The following SPTLC1 variants were observed in gnomAD, a reference collection of about 807,000 sequenced individuals.
The protein encoded by SPTLC1 is serine palmitoyltransferase long chain base subunit 1, also known as serine palmitoyltransferase 1.
In SPTLC1, 55 loss-of-function variants were observed where a neutral mutation model predicts 68.9. The observed-to-expected ratio is 0.80, with a 90% CI of 0.64 to 1.00. The LOEUF (loss-of-function observed/expected upper bound fraction) is 1.00, where lower values mean the gene tolerates loss of function less well. Ranked by LOEUF, SPTLC1 falls within the 50% of genes least tolerant of loss-of-function variation. The probability of loss-of-function intolerance (pLI) is 0.00; values close to 1 mark genes in which losing one functional copy is unlikely to be tolerated. For missense variants in SPTLC1, 449 were observed against 573.1 expected (o/e 0.78, Z 2.21); for synonymous variants, 197 against 201.6 (o/e 0.98, Z 0.19).
chr9:92,105,545 A>C (rs1587614635), intron 3 of SPTLC1: 1 of 586,714 alleles, frequency 1.7e-6, no homozygotes, highest in South Asian at 2.1e-5. Context: ...GGAAGTGAGG[A>C]GCGCCTCTGC....
Position 92,032,348 on chromosome 9 carries a change from C to A in SPTLC1, c.*117G>T, listed in dbSNP as rs1392770545. ...GGTCCATACTGACACCATTTGGTAA[C>A]AATCCTATCAAAGATCCACATGTTC... On this transcript the variant is annotated 3_prime_UTR_variant, in exon 15 of 15. Transcript: ENST00000262554. 1 of 1,570,592 alleles carries A rather than the reference C, an allele frequency of 6.4e-7. No individual in the cohort carries two copies. The highest frequency in any genetic ancestry group is 8.6e-7 in the Non-Finnish European group (1 of 1,161,120).
chr9:92,105,884 C>T (rs1452160827), intron 3 of SPTLC1, among the ~76,000 whole-genome samples: 2 of 147,106 alleles, frequency 1.4e-5, no homozygotes, highest in African/African-American at 2.5e-5. Context: ...GCCTTGCCGC[C>T]GTCCTGTCTG....
intron 6 of SPTLC1, among the ~76,000 whole-genome samples, chr9:92,066,794 C>T (rs1587937617): frequency 6.6e-6 from 1 of 151,824 alleles, no homozygotes; most frequent in Admixed American, 6.6e-5. Context: ...GCCTGGCCAA[C>T]ATGGTGAAAC....
Position 92,088,862 on chromosome 9 carries a change from C to T in SPTLC1, c.261-7899G>A, listed in dbSNP as rs528648137. On this transcript the variant is annotated intron_variant, in intron 3 of 14. Coordinates refer to ENST00000262554, the MANE Select transcript of SPTLC1 (RefSeq NM_006415.4). ...ATAATGGGCACTTGATACAGGAATC[C>T]TGGAACCTAAAATCTTATAGGGTAT... Among the ~76,000 whole-genome samples the T allele has an allele frequency of 5.3e-5, 8 of 152,208 alleles. No homozygotes were observed. The East Asian group carries it at 1.5e-3, about 29-fold the overall frequency.
chr9:92,059,536 T>C (rs1017390925), intron 6 of SPTLC1, among the ~76,000 whole-genome samples: 3 of 152,240 alleles, frequency 2.0e-5, no homozygotes, highest in Non-Finnish European at 4.4e-5. Flanking sequence ...TCTCACTATA[T>C]ATTAATCTCT....
Position 92,066,360 on chromosome 9 carries a change from A to G in SPTLC1, c.560+1606T>C, listed in dbSNP as rs1364039074. Among the ~76,000 whole-genome samples the G allele has an allele frequency of 2.6e-5, 4 of 152,206 alleles. No homozygotes were observed. The East Asian group carries it at 7.7e-4, about 29-fold the overall frequency. ...TCTCTCTGGCTGTAAGATTTTGTCC[A>G]CATGCAGCAGGGGTCTTGACCTGCT... On this transcript the variant is annotated intron_variant, in intron 6 of 14. Coordinates refer to ENST00000262554, the MANE Select transcript of SPTLC1 (RefSeq NM_006415.4).
chr9:92,079,339 G>C (rs1301549275), intron 5 of SPTLC1: 22 of 1,353,670 alleles, frequency 1.6e-5, no homozygotes, highest in Non-Finnish European at 2.0e-5. Flanking sequence ...GCCTTTGAAA[G>C]TGCTGGGATT....
intron 9 of SPTLC1, among the ~76,000 whole-genome samples, chr9:92,049,388 G>GT (rs1474454565): frequency 6.6e-6 from 1 of 152,124 alleles, no homozygotes; most frequent in Admixed American, 6.5e-5. Flanking sequence ...ACTGCGGGCA[G>GT]TCTGGGTCCA....
intron 7 of SPTLC1, among the ~76,000 whole-genome samples, chr9:92,057,486 GTTAGC>G (rs1833936829): frequency 6.6e-6 from 1 of 152,198 alleles, no homozygotes; most frequent in African/African-American, 2.4e-5. Flanking sequence ...CCACATCTGT[GTTAGC>G]ACTGACTATT....
intron 3 of SPTLC1, among the ~76,000 whole-genome samples, chr9:92,086,735 C>T (rs1486705750): frequency 6.6e-6 from 1 of 152,126 alleles, no homozygotes; most frequent in East Asian, 1.9e-4. Context: ...AGTTGCTCTT[C>T]TCAAGGAGTA....
intron 5 of SPTLC1, chr9:92,076,666 G>T (rs1311411236): frequency 6.6e-6 from 1 of 152,130 alleles, no homozygotes; most frequent in East Asian, 1.9e-4. Flanking sequence ...GGGCTATAAT[G>T]CCACTCTACT....
intron 6 of SPTLC1, among the ~76,000 whole-genome samples, chr9:92,064,831 C>T (rs1834225858): frequency 6.6e-6 from 1 of 152,124 alleles, no homozygotes; most frequent in East Asian, 1.9e-4. Context: ...GAGAATTACG[C>T]TAAATGAAAA....
At chr9:92,033,535 A>T (rs563060405) in intron 14 of SPTLC1, among the ~76,000 whole-genome samples, 3 of 152,316 alleles carry the variant, frequency 2.0e-5, no homozygotes, top group Admixed American at 6.5e-5. Context: ...CTTACTAACA[A>T]GTAAACGTAG....
At chr9:92,089,397 G>A (rs182743581) in intron 3 of SPTLC1, among the ~76,000 whole-genome samples, 2 of 152,020 alleles carry the variant, frequency 1.3e-5, no homozygotes, top group Admixed American at 1.3e-4. Context: ...TGCTCAGGAA[G>A]AACAAAATTC....
At chr9:92,095,133 T>C (rs995218872) in intron 3 of SPTLC1, among the ~76,000 whole-genome samples, 2 of 151,886 alleles carry the variant, frequency 1.3e-5, no homozygotes, top group Non-Finnish European at 2.9e-5. Context: ...AAAAAACAGG[T>C]AAAAGATATG....
chr9:92,098,652 C>CAGTA (rs1351728923), intron 3 of SPTLC1, among the ~76,000 whole-genome samples: 1 of 151,728 alleles, frequency 6.6e-6, no homozygotes, highest in Non-Finnish European at 1.5e-5. Flanking sequence ...ATAAAACAAT[C>CAGTA]AGTACAGTGC....
At chr9:92,084,814 T>C (rs1835045510) in intron 3 of SPTLC1, among the ~76,000 whole-genome samples, 1 of 152,098 alleles carries the variant, frequency 6.6e-6, no homozygotes, top group Non-Finnish European at 1.5e-5. Context: ...TCAGAAGGAA[T>C]GGTACCAGTT....
Position 92,055,436 on chromosome 9 carries a change from T to G in SPTLC1, c.749A>C (p.Asn250Thr). 6.2e-7 allele frequency: 1 copy of G among 1,613,818 alleles called. No homozygotes were observed. Among genetic ancestry groups the G allele is most frequent in the Non-Finnish European group, 8.5e-7 (1 of 1,179,898 alleles). The change falls in exon 8 of 15, where the codon AAT (asparagine) becomes ACT (threonine). Residue 250 changes from asparagine (N) to threonine (T), a missense_variant. By Grantham distance (65) the Asn-to-Thr change is moderately conservative. Coordinates refer to ENST00000262554, the MANE Select transcript of SPTLC1 (RefSeq NM_006415.4). The stretch of plus-strand genomic sequence containing the variant: ...TGGAAGAGGACAAATAGTTCCAGTA[T>G]TCATATACAATCCTTCTACTACAAT... ...RFIVVEGLYMNTGTICPLPEL... is the reference protein window; with the variant it reads ...RFIVVEGLYMTTGTICPLPEL...
intron 1 of SPTLC1, 108 bp downstream of exon 1, chr9:92,115,206 C>T (rs928425052): frequency 3.6e-6 from 4 of 1,101,004 alleles, no homozygotes; most frequent in East Asian, 2.4e-5. Context: ...CGAGTCTGGG[C>T]GTGACCGAGC....
Sources: gnomAD v4.1 joint callset for allele counts (sites outside exome capture counted in the v4.1 genomes callset) on GRCh38, gnomAD v4.1.1 for gene constraint, MANE v1.5 for transcripts, NCBI Gene and HGNC (gene_info 2026-07-23, HGNC 2026-07-21) for gene names.